Variants in ATF7IP2 observed in about 807,000 individuals in gnomAD.
ATF7IP2 encodes the protein activating transcription factor 7-interacting protein 2.
A neutral mutation model predicts 64.2 loss-of-function variants in ATF7IP2; 42 were observed. The ratio of observed to expected loss-of-function variants is 0.65; its 90% CI spans 0.51 to 0.85. The LOEUF (loss-of-function observed/expected upper bound fraction) is 0.85. Among genes scored for constraint, ATF7IP2 ranks in the 40% least tolerant of loss-of-function variants. The pLI, the probability that ATF7IP2 is intolerant of heterozygous loss-of-function variation, is 0.00. For synonymous variants in ATF7IP2, 308 were observed against 272.8 expected (o/e 1.13, Z -1.27); for missense variants, 933 against 784.2 (o/e 1.19, Z -2.27).
At chr16:10,437,410 C>T (rs1413926960) in intron 6 of ATF7IP2, among the ~76,000 whole-genome samples, 2 of 152,130 alleles carry the variant, frequency 1.3e-5, no homozygotes, top group African/African-American at 4.8e-5. Context: ...AAGCCACCCC[C>T]TAAAACAATT....
intron 8 of ATF7IP2, chr16:10,447,228 G>A (rs988607971): frequency 6.6e-6 from 1 of 152,234 alleles, no homozygotes; most frequent in Non-Finnish European, 1.5e-5. Context: ...TCTTACCTTG[G>A]TCTGTGCACA....
At chr16:10,459,424 C>T (rs1214845297) in intron 9 of ATF7IP2, among the ~76,000 whole-genome samples, 2 of 151,174 alleles carry the variant, frequency 1.3e-5, no homozygotes, top group Admixed American at 6.6e-5. Context: ...GCCGGTATCA[C>T]ACCACTGTGC....
At chr16:10,405,424 G>T (rs2047617250) in intron 1 of ATF7IP2, among the ~76,000 whole-genome samples, 1 of 152,068 alleles carries the variant, frequency 6.6e-6, no homozygotes, top group African/African-American at 2.4e-5. Flanking sequence ...AAGGGGCAGA[G>T]CAAGGTGGCT....
At chr16:10,412,767 G>C (rs1257371587) in intron 1 of ATF7IP2, among the ~76,000 whole-genome samples, 1 of 152,146 alleles carries the variant, frequency 6.6e-6, no homozygotes, top group Non-Finnish European at 1.5e-5. Context: ...AGTGCTGTCA[G>C]TGGAGTTGAA....
chr16:10,459,881 C>T (rs1162426081), intron 9 of ATF7IP2, among the ~76,000 whole-genome samples: 1 of 152,032 alleles, frequency 6.6e-6, no homozygotes, highest in Admixed American at 6.6e-5. Context: ...AAGAAAGATG[C>T]CTGCTGTCAC....
At chr16:10,422,353 C>G (rs1006333543) in intron 3 of ATF7IP2, among the ~76,000 whole-genome samples, 2 of 152,124 alleles carry the variant, frequency 1.3e-5, no homozygotes, top group Admixed American at 6.6e-5. Context: ...TTTTTCCTAG[C>G]CCCATACCAG....
chr16:10,475,815 TAATAAA>T (rs1211415223), intron 12 of ATF7IP2, among the ~76,000 whole-genome samples: 2 of 146,960 alleles, frequency 1.4e-5, no homozygotes, highest in East Asian at 4.0e-4. Flanking sequence ...ACCACACTGA[TAATAAA>T]TGTAAATGGT....
chr16:10,431,208 G>C lies in ATF7IP2; in HGVS notation c.588G>C (p.Gln196His), dbSNP rs2048237630. 10 of 1,614,212 alleles carry C rather than the reference G, an allele frequency of 6.2e-6. No homozygotes were observed. The highest frequency in any genetic ancestry group is 8.5e-6 in the Non-Finnish European group (10 of 1,180,030). Residue 196 changes from glutamine to histidine, a missense_variant, in exon 5 of 14, where the codon CAG (glutamine) becomes CAC (histidine). Physicochemically the swap from Gln to His is conservative, Grantham distance 24. Coordinates refer to ENST00000562102, the MANE Select transcript of ATF7IP2 (RefSeq NM_001393719.1). Reference sequence around the variant, plus strand: ...CCGTGGGTGACAAGAAAACTGACCAGATGGTTTTCCATTTAGAAACAAACT... The same window carrying C: ...CCGTGGGTGACAAGAAAACTGACCACATGGTTTTCCATTTAGAAACAAACT... ...TSTVGDKKTDQMVFHLETNSN... is the reference protein window; with the variant it reads ...TSTVGDKKTDHMVFHLETNSN...
intron 8 of ATF7IP2, among the ~76,000 whole-genome samples, chr16:10,456,066 G>A (rs1044646902): frequency 5.9e-5 from 9 of 151,710 alleles, no homozygotes; most frequent in African/African-American, 2.2e-4. Flanking sequence ...TGCAACATCC[G>A]CCTCCTGGGT....
At chr16:10,460,977 A>G (rs1414144659) in intron 9 of ATF7IP2, among the ~76,000 whole-genome samples, 1 of 152,162 alleles carries the variant, frequency 6.6e-6, no homozygotes, top group Non-Finnish European at 1.5e-5. Flanking sequence ...ATATATAAAG[A>G]ACTTCAACAA....
chr16:10,468,287 G>A (rs116787751), intron 9 of ATF7IP2, among the ~76,000 whole-genome samples: 55 of 152,300 alleles, frequency 3.6e-4, no homozygotes, highest in African/African-American at 1.2e-3. Flanking sequence ...TTAAAAAATT[G>A]TTGAATTTGT....
At chr16:10,398,996 C>T (rs1342327433) in intron 1 of ATF7IP2, among the ~76,000 whole-genome samples, 1 of 152,074 alleles carries the variant, frequency 6.6e-6, no homozygotes. Context: ...GCCTGTAATC[C>T]CAGCTATTCA....
intron 6 of ATF7IP2, among the ~76,000 whole-genome samples, chr16:10,434,597 G>A (rs932662607): frequency 1.3e-5 from 2 of 152,102 alleles, no homozygotes; most frequent in African/African-American, 2.4e-5. Flanking sequence ...CAGTTTTTCT[G>A]TGTCTCCCTT....
intron 1 of ATF7IP2, among the ~76,000 whole-genome samples, chr16:10,396,937 G>T (rs769416374): frequency 2.0e-5 from 3 of 152,118 alleles, no homozygotes; most frequent in Non-Finnish European, 4.4e-5. Context: ...AAAGTGTTGG[G>T]ATTACAGGCA....
intron 3 of ATF7IP2, among the ~76,000 whole-genome samples, chr16:10,427,642 GC>G (rs1269452546): frequency 6.6e-6 from 1 of 152,116 alleles, no homozygotes; most frequent in African/African-American, 2.4e-5. Flanking sequence ...GATCACTTCA[GC>G]CCAGGAGTTT....
At chr16:10,400,695 T>G (rs186973043) in intron 1 of ATF7IP2, among the ~76,000 whole-genome samples, 2 of 152,312 alleles carry the variant, frequency 1.3e-5, no homozygotes, top group East Asian at 3.9e-4. Flanking sequence ...GTGTGTGTGT[T>G]TTTTTGAGAC....
chr16:10,467,883 T>C (rs2049639145), intron 9 of ATF7IP2, among the ~76,000 whole-genome samples: 1 of 150,730 alleles, frequency 6.6e-6, no homozygotes, highest in Non-Finnish European at 1.5e-5. Context: ...ATATTCTTTT[T>C]TTTTTTTTTT....
intron 2 of ATF7IP2, 94 bp from the exon 3 acceptor site, chr16:10,419,487 C>T (rs1198771694): frequency 6.5e-6 from 1 of 153,428 alleles, no homozygotes; most frequent in Non-Finnish European, 1.5e-5. Context: ...TCTGTGTCAG[C>T]CCTTGCTAAA....
chr16:10,458,735 T>C (rs1207853686), intron 9 of ATF7IP2, among the ~76,000 whole-genome samples: 1 of 152,234 alleles, frequency 6.6e-6, no homozygotes. Context: ...AATAGTATTA[T>C]AAAATCAATT....
Sources: gnomAD v4.1 joint callset for allele counts (sites outside exome capture counted in the v4.1 genomes callset) on GRCh38, gnomAD v4.1.1 for gene constraint, MANE v1.5 for transcripts, NCBI Gene and HGNC (gene_info 2026-07-23, HGNC 2026-07-21) for gene names.